Variants in ANO7 observed in about 807,000 individuals in gnomAD.
ANO7 encodes the protein anoctamin 7.
A neutral mutation model predicts 115.8 loss-of-function variants in ANO7; 114 were observed. The observed-to-expected ratio is 0.98, with a 90% confidence interval of 0.85 to 1.15. The LOEUF (loss-of-function observed/expected upper bound fraction) is 1.15. Among genes scored for constraint, ANO7 ranks in the 50% most tolerant of loss-of-function variants. ANO7 has a pLI of 0.00. For synonymous variants in ANO7, 550 were observed against 498.2 expected (o/e 1.10, Z -1.38); for missense variants, 1,302 against 1,201.2 (o/e 1.08, Z -1.24).
Position 241,216,210 on chromosome 2 carries a change from G to T in ANO7, c.1944G>T (p.Glu648Asp). Residue 648 changes from glutamate (E) to aspartate (D), a missense_variant, in exon 19 of 25, where the codon GAG becomes GAT. Glu to Asp is a conservative substitution (Grantham distance 45, BLOSUM62 2). Coordinates refer to ENST00000674324, the MANE Select transcript of ANO7 (RefSeq NM_001370694.2). ...WEDDYELVPCEGLFDEYLEMV... is the reference protein window; with the variant it reads ...WEDDYELVPCDGLFDEYLEMV... ...ACGACTATGAGCTTGTGCCCTGTGA[G>T]GGTCTGTTTGACGAGTACCTGGAAA... The T allele has an allele frequency of 6.2e-7, 1 of 1,609,176 alleles. No homozygotes were observed.
At chr2:241,211,193 C>T (rs1327398664) in intron 15 of ANO7, among the ~76,000 whole-genome samples, 1 of 152,192 alleles carries the variant, frequency 6.6e-6, no homozygotes, top group Non-Finnish European at 1.5e-5. Flanking sequence ...GGGCCCCCCT[C>T]CAGGCTGCAA....
At chr2:241,209,186 T>A in intron 11 of ANO7, 99 bp from the exon 12 acceptor site, 17 of 1,320,704 alleles carry the variant, frequency 1.3e-5, no homozygotes, top group Non-Finnish European at 1.7e-5. Flanking sequence ...GGGGGATGTG[T>A]GTGGGATGCA....
At chr2:241,199,489 G>A in intron 5 of ANO7, 66 bp downstream of exon 5, 1 of 1,532,212 alleles carries the variant, frequency 6.5e-7, no homozygotes, top group Non-Finnish European at 9.0e-7. Context: ...GCGTTCAGCT[G>A]CCAGTGCCGA....
At chr2:241,198,675 G>C (rs2068398307) in intron 4 of ANO7, among the ~76,000 whole-genome samples, 1 of 152,246 alleles carries the variant, frequency 6.6e-6, no homozygotes, top group Non-Finnish European at 1.5e-5. Context: ...CCAGATGGCT[G>C]TGAGGGCTGA....
Position 241,223,966 on chromosome 2 carries a change from G to C in ANO7, c.2583+11G>C. 3.7e-6 allele frequency: 6 copies of C among 1,614,016 alleles called. No homozygotes were observed. The highest frequency in any genetic ancestry group is 5.1e-6 in the Non-Finnish European group (6 of 1,179,942). ...CCCGAGGGCTCAGAGGCAAGTCTGG[G>C]AGCAGCCAGGCCCCTGCCCCGTGCA... On this transcript the variant is annotated intron_variant, in intron 24 of 24. Transcript: ENST00000674324.
In ANO7 at chr2:241,209,086, G is replaced by T. The variant is rs369614477; in HGVS notation, c.1078-199G>T. Among the ~76,000 whole-genome samples, 219 of 152,304 alleles carry T rather than the reference G, an allele frequency of 1.4e-3. 2 individuals carry two copies. Among genetic ancestry groups the T allele is most frequent in the Middle Eastern group, 3.4e-3 (1 of 294 alleles). ...ATGGCGTGAACCCGGGAGGCGAAGC[G>T]TGCAGTGAGCCGAGATCGCGCCACT... On this transcript the variant is annotated intron_variant, in intron 11 of 24. Transcript: ENST00000674324.
At chr2:241,209,965 G>A (rs1290040081) in intron 13 of ANO7, among the ~76,000 whole-genome samples, 1 of 152,156 alleles carries the variant, frequency 6.6e-6, no homozygotes, top group Non-Finnish European at 1.5e-5. Flanking sequence ...CAGCCAAAGG[G>A]GCTTCCTAAT....
chr2:241,195,653 G>A (rs748538922), intron 3 of ANO7, 50 bp from the exon 4 acceptor site: 22 of 1,579,860 alleles, frequency 1.4e-5, no homozygotes, highest in East Asian at 6.8e-5. Flanking sequence ...TCCCTGGGCC[G>A]GCCACTGCCA....
chr2:241,222,430 C>T (rs187639859), intron 21 of ANO7, among the ~76,000 whole-genome samples: 1 of 152,034 alleles, frequency 6.6e-6, no homozygotes, highest in East Asian at 1.9e-4. Context: ...TGCTTCCCCC[C>T]AAGTGTGCTC....
At chr2:241,235,163 C>G in the ANO7 span, 1 of 1,614,136 alleles carries the variant, frequency 6.2e-7, no homozygotes, top group East Asian at 2.2e-5. Context: ...CACGCTCCAG[C>G]AGTCCAGCCT....
rs770296672 is a variant in ANO7 at position 241,200,200 on chromosome 2, C to T, written c.529C>T (p.Arg177Trp). The T allele has an allele frequency of 6.2e-6, 10 of 1,612,986 alleles. No individual in the cohort carries two copies. Among genetic ancestry groups the T allele is most frequent in the Admixed American group, 3.3e-5 (2 of 59,970 alleles). The change falls in exon 6 of 25, where the codon CGG (arginine) becomes TGG (tryptophan). Residue 177 changes from arginine (R) to tryptophan (W), a missense_variant. Physicochemically the swap from Arg to Trp is moderately radical, Grantham distance 101 (BLOSUM62 -3). Transcript: ENST00000674324. ...CGTACCCCCCGAGTACTACTCCTGC[C>T]GGTTCAGAGTGAACAAGCTGCCACG... ...PDVPPEYYSC[R>W]FRVNKLPRFL...
At chr2:241,213,243 G>GCTGGCCTCCTCATGGCACACAGGGA (rs2068756823) in intron 17 of ANO7, among the ~76,000 whole-genome samples, 1 of 140,512 alleles carries the variant, frequency 7.1e-6, no homozygotes, top group African/African-American at 2.7e-5. Flanking sequence ...GCACACAGGG[G>GCTGGCCTCCTCATGGCACACAGGGA]TCGCAGGGGC....
chr2:241,211,796 A>C (rs1313972930), intron 15 of ANO7, among the ~76,000 whole-genome samples: 3 of 152,132 alleles, frequency 2.0e-5, no homozygotes, highest in Admixed American at 6.5e-5. Flanking sequence ...TCCGCTGCGC[A>C]GCCTTGGCAC....
intron 17 of ANO7, 91 bp downstream of exon 17, chr2:241,212,717 C>A: frequency 7.3e-7 from 1 of 1,365,648 alleles, no homozygotes; most frequent in Non-Finnish European, 1.0e-6. Context: ...TGCAGCAATT[C>A]CTCCCACCAC....
Position 241,201,339 on chromosome 2 carries a change from C to G in ANO7, c.596C>G (p.Thr199Ser). The change falls in exon 7 of 25, where the codon ACC becomes AGC. Residue 199 changes from threonine to serine, a missense_variant. By Grantham distance (58) the Thr-to-Ser change is moderately conservative (BLOSUM62 1). Transcript: ENST00000674324. Reference sequence around the variant, plus strand: ...AACCAGGACACCTTCTTCACAAGCACCAAGAGGCACCAAATTGTGAGTGGG... The same window carrying G: ...AACCAGGACACCTTCTTCACAAGCAGCAAGAGGCACCAAATTGTGAGTGGG... ...SDNQDTFFTS[T>S]KRHQILFEIL... is the part of the protein sequence containing the mutation. The G allele has an allele frequency of 1.9e-6, 3 of 1,612,898 alleles. No homozygotes were observed. The highest frequency in any genetic ancestry group is 1.7e-6 in the Non-Finnish European group (2 of 1,179,604).
At chr2:241,219,812 C>T (rs1350860594) in intron 21 of ANO7, among the ~76,000 whole-genome samples, 1 of 149,980 alleles carries the variant, frequency 6.7e-6, no homozygotes, top group Non-Finnish European at 1.5e-5. Flanking sequence ...CTCCTGGCCT[C>T]AAGCAATGCC....
chr2:241,198,446 C>A (rs988869487), intron 4 of ANO7, among the ~76,000 whole-genome samples: 1 of 152,226 alleles, frequency 6.6e-6, no homozygotes, highest in African/African-American at 2.4e-5. Context: ...AGGTCATCAT[C>A]CAGACTCGAG....
intron 3 of ANO7, among the ~76,000 whole-genome samples, chr2:241,191,956 G>A (rs1385370375): frequency 6.6e-6 from 1 of 152,218 alleles, no homozygotes; most frequent in East Asian, 1.9e-4. Context: ...CACGGGATGG[G>A]GGCCCCGGGG....
intron 3 of ANO7, among the ~76,000 whole-genome samples, chr2:241,192,991 G>A (rs2068239466): frequency 6.6e-6 from 1 of 152,172 alleles, no homozygotes; most frequent in South Asian, 2.1e-4. Context: ...GCACAAGAAT[G>A]TCAATGTCCT....
Sources: gnomAD v4.1 joint callset for allele counts (sites outside exome capture counted in the v4.1 genomes callset) on GRCh38, gnomAD v4.1.1 for gene constraint, MANE v1.5 for transcripts, NCBI Gene and HGNC (gene_info 2026-07-23, HGNC 2026-07-21) for gene names.